The following CACNB4 variants were observed in gnomAD, a reference collection of about 807,000 sequenced individuals.
The protein encoded by CACNB4 is voltage-dependent L-type calcium channel subunit beta-4.
In CACNB4, 32 loss-of-function variants were observed where a neutral mutation model predicts 71.2. The observed-to-expected ratio is 0.45, with a 90% CI of 0.34 to 0.60. CACNB4 has a LOEUF of 0.60. CACNB4 is among the 20% of genes least tolerant of loss of function. CACNB4 has a pLI of 0.01. For missense variants in CACNB4, 464 were observed against 647.9 expected (o/e 0.72, Z 3.08); for synonymous variants, 231 against 236.9 (o/e 0.97, Z 0.23).
intron 2 of CACNB4, among the ~76,000 whole-genome samples, chr2:151,990,800 T>C (rs1024985161): frequency 6.6e-6 from 1 of 152,190 alleles, no homozygotes; most frequent in East Asian, 1.9e-4. Flanking sequence ...GAGATGTCTG[T>C]AGGCAGAGAC....
intron 2 of CACNB4, among the ~76,000 whole-genome samples, chr2:151,934,712 C>A (rs2099862499): frequency 6.6e-6 from 1 of 152,148 alleles, no homozygotes; most frequent in African/African-American, 2.4e-5. Context: ...TGGTGCACAC[C>A]TGTAGTCCCA....
chr2:151,990,081 C>T (rs1240435835), intron 2 of CACNB4, among the ~76,000 whole-genome samples: 1 of 152,128 alleles, frequency 6.6e-6, no homozygotes, highest in Non-Finnish European at 1.5e-5. Flanking sequence ...CATTTGAATA[C>T]CAAAATATTC....
intron 12 of CACNB4, chr2:151,853,204 G>C (rs2099839486): frequency 5.0e-6 from 2 of 403,586 alleles, no homozygotes; most frequent in Non-Finnish European, 8.7e-6. Context: ...AGCAAACAAG[G>C]TAGCAGTGAG....
chr2:151,931,609 G>T (rs7562260), intron 2 of CACNB4, among the ~76,000 whole-genome samples: 140,056 of 152,228 alleles, frequency 0.92, 64,812 homozygotes, highest in Middle Eastern at 0.98. Context: ...GAACTCTCTG[G>T]CATTTTTATG....
At chr2:152,054,835 C>CT (rs912555783) in intron 2 of CACNB4, among the ~76,000 whole-genome samples, 2 of 152,002 alleles carry the variant, frequency 1.3e-5, no homozygotes, top group Non-Finnish European at 2.9e-5. Flanking sequence ...ATACGGAGCA[C>CT]TTTTTTTTAT....
chr2:151,908,528 A>C (rs2099855361), intron 2 of CACNB4, among the ~76,000 whole-genome samples: 1 of 152,178 alleles, frequency 6.6e-6, no homozygotes, highest in Admixed American at 6.5e-5. Flanking sequence ...ACTCAAAGAA[A>C]AGTGAAGAAG....
At chr2:152,024,848 G>C (rs774887801) in intron 2 of CACNB4, among the ~76,000 whole-genome samples, 2 of 152,218 alleles carry the variant, frequency 1.3e-5, no homozygotes, top group Non-Finnish European at 2.9e-5. Flanking sequence ...CTGAGGTCAG[G>C]AGTTCAAGAC....
At chr2:152,042,254 A>G (rs947097011) in intron 2 of CACNB4, among the ~76,000 whole-genome samples, 2 of 152,186 alleles carry the variant, frequency 1.3e-5, no homozygotes, top group Non-Finnish European at 2.9e-5. Context: ...CAAGGCCTCA[A>G]ACAGCATCTT....
intron 2 of CACNB4, among the ~76,000 whole-genome samples, chr2:152,078,162 G>A (rs1304870612): frequency 1.3e-5 from 2 of 152,136 alleles, no homozygotes; most frequent in African/African-American, 2.4e-5. Context: ...GTCCTTCTGC[G>A]AGGAACAATA....
chr2:152,032,316 T>C (rs572515149), intron 2 of CACNB4, among the ~76,000 whole-genome samples: 28 of 152,204 alleles, frequency 1.8e-4, no homozygotes, highest in Non-Finnish European at 2.9e-4. Flanking sequence ...GCAACAGCCA[T>C]GTCTCCTGAC....
At chr2:152,026,168 G>A (rs927150827) in intron 2 of CACNB4, among the ~76,000 whole-genome samples, 2 of 152,100 alleles carry the variant, frequency 1.3e-5, no homozygotes, top group Non-Finnish European at 2.9e-5. Context: ...GCCTTTTCTC[G>A]TTGTTGTGAA....
intron 2 of CACNB4, among the ~76,000 whole-genome samples, chr2:152,078,164 G>A (rs947585098): frequency 7.9e-5 from 12 of 152,124 alleles, no homozygotes; most frequent in Admixed American, 7.2e-4. Flanking sequence ...CCTTCTGCGA[G>A]GAACAATATT....
At chr2:152,099,054 AG>A, upstream of CACNB4, 4 of 1,409,012 alleles carry the variant, frequency 2.8e-6, no homozygotes, top group Admixed American at 2.6e-5. Context: ...CGGTGGGCGG[AG>A]GGGGCTGGCC....
intron 2 of CACNB4, among the ~76,000 whole-genome samples, chr2:152,012,892 G>A (rs73013250): frequency 0.048 from 7,325 of 152,160 alleles, 582 homozygotes; most frequent in African/African-American, 0.17. Flanking sequence ...GTTCACTCAG[G>A]ACTCACTCAC....
chr2:151,880,704 G>T, intron 4 of CACNB4, 96 bp downstream of exon 4: 1 of 1,319,598 alleles, frequency 7.6e-7, no homozygotes, highest in Middle Eastern at 2.5e-4. Context: ...TGCACTGGCA[G>T]CTCCTTGGGT....
At chr2:151,899,041 G>A (rs1578702236) in intron 2 of CACNB4, among the ~76,000 whole-genome samples, 1 of 152,354 alleles carries the variant, frequency 6.6e-6, no homozygotes, top group East Asian at 1.9e-4. Context: ...CTTCAGTGCT[G>A]CACAGCAAAG....
At chr2:152,050,753 G>A (rs1042708360) in intron 2 of CACNB4, among the ~76,000 whole-genome samples, 2 of 151,928 alleles carry the variant, frequency 1.3e-5, no homozygotes, top group African/African-American at 2.4e-5. Flanking sequence ...ATATCCACTT[G>A]TGGGGTTTTT....
chr2:152,018,484 T>C (rs1195173250), intron 2 of CACNB4, among the ~76,000 whole-genome samples: 9 of 152,092 alleles, frequency 5.9e-5, no homozygotes, highest in African/African-American at 2.2e-4. Context: ...AAATATTTAT[T>C]AGATTTTGCA....
intron 2 of CACNB4, among the ~76,000 whole-genome samples, chr2:151,984,137 C>G (rs1028492311): frequency 3.3e-5 from 5 of 152,138 alleles, no homozygotes; most frequent in African/African-American, 1.2e-4. Flanking sequence ...ACTGGGCTCC[C>G]CTAACCAGCC....
Sources: allele counts gnomAD v4.1 joint callset (sites outside exome capture counted in the v4.1 genomes callset), GRCh38; gene constraint gnomAD v4.1.1; transcripts MANE v1.5; gene names NCBI Gene and HGNC (gene_info 2026-07-23, HGNC 2026-07-21).